The following DLG2 variants were observed in gnomAD, a reference collection of about 807,000 sequenced individuals.
The protein encoded by DLG2 is discs large MAGUK scaffold protein 2.
In DLG2, 45 loss-of-function variants were observed where a neutral mutation model predicts 132.5. The ratio of observed to expected loss-of-function variants is 0.34; its 90% CI spans 0.27 to 0.44. The LOEUF is 0.44. DLG2 is among the 20% of genes least tolerant of loss of function. The pLI, the probability that DLG2 is intolerant of heterozygous loss-of-function variation, is 1.00. For synonymous variants in DLG2, 424 were observed against 419.6 expected, an observed-to-expected ratio of 1.01 and a Z score of -0.13; for missense variants, 1,045 against 1,196.9, an observed-to-expected ratio of 0.87 and a Z score of 1.87.
chr11:85,534,483 C>T (rs1411546852), intron 3 of DLG2, among the ~76,000 whole-genome samples: 1 of 152,082 alleles, frequency 6.6e-6, no homozygotes. Flanking sequence ...TTTTTCAGCC[C>T]TTGCCCCACT....
At chr11:85,001,938 A>C (rs2058250887) in intron 6 of DLG2, among the ~76,000 whole-genome samples, 1 of 152,164 alleles carries the variant, frequency 6.6e-6, no homozygotes, top group African/African-American at 2.4e-5. Flanking sequence ...TATAAACCCA[A>C]ATCTCCTCTA....
intron 6 of DLG2, among the ~76,000 whole-genome samples, chr11:84,592,811 A>C (rs1237827444): frequency 6.6e-6 from 1 of 151,340 alleles, no homozygotes; most frequent in Non-Finnish European, 1.5e-5. Flanking sequence ...AAAAGTCAGG[A>C]AACAGGCCAG....
At chr11:83,563,326 G>T (rs185866279) in intron 19 of DLG2, among the ~76,000 whole-genome samples, 2 of 152,012 alleles carry the variant, frequency 1.3e-5, no homozygotes, top group Non-Finnish European at 2.9e-5. Context: ...TAAATTAAAC[G>T]TTCTTTGATC....
At chr11:85,095,747 T>C (rs2069628224) in intron 6 of DLG2, among the ~76,000 whole-genome samples, 1 of 152,198 alleles carries the variant, frequency 6.6e-6, no homozygotes, top group Admixed American at 6.5e-5. Flanking sequence ...TAAATGACAC[T>C]TCTGCACACA....
rs1268898798 is a variant in DLG2 at position 85,423,792 on chromosome 11, G to T, written c.41-138427C>A. Among the ~76,000 whole-genome samples, 5 of 152,250 alleles carry T rather than the reference G, an allele frequency of 3.3e-5. No homozygotes were observed. The East Asian group carries it at 9.7e-4, about 29-fold the overall frequency. On this transcript the variant is annotated intron_variant, in intron 3 of 27. Transcript: ENST00000376104. Reference sequence around the variant, plus strand: ...CACACCCACCATGCCCCCACCAACAGAACTGAGTCTATTTCCAGGCAGTTG... The same window carrying T: ...CACACCCACCATGCCCCCACCAACATAACTGAGTCTATTTCCAGGCAGTTG...
intron 6 of DLG2, among the ~76,000 whole-genome samples, chr11:84,555,013 G>T (rs2099409233): frequency 6.6e-6 from 1 of 152,060 alleles, no homozygotes; most frequent in African/African-American, 2.4e-5. Context: ...CTGAAGAGGG[G>T]TGAGTGAAGC....
At chr11:84,009,595 C>T (rs2094771206) in intron 11 of DLG2, among the ~76,000 whole-genome samples, 1 of 151,944 alleles carries the variant, frequency 6.6e-6, no homozygotes, top group Admixed American at 6.6e-5. Flanking sequence ...CAGAGAACAG[C>T]TAAAGTGAAG....
chr11:83,714,279 G>A (rs1379183852), intron 18 of DLG2, among the ~76,000 whole-genome samples: 3 of 151,978 alleles, frequency 2.0e-5, no homozygotes, highest in Non-Finnish European at 2.9e-5. Context: ...GTAGGCAAAT[G>A]CAGAGGAAAT....
rs141434161 is a variant in DLG2, at chr11:85,503,924, C to A, written c.40+94733G>T. Among the ~76,000 whole-genome samples, 794 of 151,996 alleles carry A rather than the reference C, an allele frequency of 5.2e-3. 8 individuals carry two copies. Among genetic ancestry groups the A allele is most frequent in the African/African-American group, 0.018 (738 of 41,460 alleles). ...TCCAGCCTGGGCAACACAGTGAGAC[C>A]CTGTCTCAAGAAGGAGGAGGAGGAG... On this transcript the variant is annotated intron_variant, in intron 3 of 27. Transcript: ENST00000376104.
chr11:83,665,597 A>C (rs2075350718), intron 18 of DLG2, among the ~76,000 whole-genome samples: 1 of 152,266 alleles, frequency 6.6e-6, no homozygotes, highest in African/African-American at 2.4e-5. Flanking sequence ...GAGATCGGAG[A>C]GAATTTCAAG....
intron 3 of DLG2, among the ~76,000 whole-genome samples, chr11:85,480,016 G>C (rs1193264588): frequency 6.6e-6 from 1 of 152,130 alleles, no homozygotes; most frequent in Admixed American, 6.5e-5. Flanking sequence ...TGAGGTACTA[G>C]GGGTAGGACT....
At chr11:85,346,098 G>C (rs1039206791) in intron 3 of DLG2, among the ~76,000 whole-genome samples, 15 of 152,034 alleles carry the variant, frequency 9.9e-5, no homozygotes, top group Non-Finnish European at 1.3e-4. Context: ...CTGAAAGTCA[G>C]AGGAGGAACG....
intron 6 of DLG2, among the ~76,000 whole-genome samples, chr11:84,624,857 C>CTTTTTTTTTTGTTTTTTTTTTTTTTTT (rs2099619666): frequency 1.3e-5 from 1 of 76,198 alleles, no homozygotes; most frequent in African/African-American, 1.2e-4. Context: ...GAGAGTCAAC[C>CTTTTTTTTTTGTTTTTTTTTTTTTTTT]TTTTTTTTTT....
intron 3 of DLG2, among the ~76,000 whole-genome samples, chr11:85,454,571 A>G (rs2092357944): frequency 6.6e-6 from 1 of 152,014 alleles, no homozygotes; most frequent in Admixed American, 6.6e-5. Context: ...TTTTGTTGCA[A>G]TTGCTTTTGG....
intron 19 of DLG2, among the ~76,000 whole-genome samples, chr11:83,556,192 G>A (rs918176753): frequency 6.6e-6 from 1 of 152,128 alleles, no homozygotes; most frequent in Non-Finnish European, 1.5e-5. Flanking sequence ...AATCTCGTTC[G>A]AAGTTTGACA....
chr11:84,291,554 C>T (rs1199233048), intron 7 of DLG2, among the ~76,000 whole-genome samples: 1 of 152,070 alleles, frequency 6.6e-6, no homozygotes, highest in African/African-American at 2.4e-5. Flanking sequence ...AAAGCAAAAA[C>T]ACATTAGAGC....
chr11:83,538,412 G>A, intron 20 of DLG2, among the ~76,000 whole-genome samples: 1 of 152,222 alleles, frequency 6.6e-6, no homozygotes, highest in East Asian at 1.9e-4. Flanking sequence ...AAAGGCATGT[G>A]TTTGAATCTA....
intron 3 of DLG2, among the ~76,000 whole-genome samples, chr11:85,563,674 T>A (rs2077377728): frequency 6.8e-6 from 1 of 147,396 alleles, no homozygotes; most frequent in African/African-American, 2.4e-5. Flanking sequence ...TATTGCTGGA[T>A]AATATTCCTT....
intron 8 of DLG2, among the ~76,000 whole-genome samples, chr11:84,237,087 C>A (rs994073487): frequency 6.6e-6 from 1 of 151,962 alleles, no homozygotes; most frequent in African/African-American, 2.4e-5. Context: ...TGCCACCACC[C>A]CCGGCTAATT....
Sources: gnomAD v4.1 joint callset for allele counts (sites outside exome capture counted in the v4.1 genomes callset) on GRCh38, gnomAD v4.1.1 for gene constraint, MANE v1.5 for transcripts, NCBI Gene and HGNC (gene_info 2026-07-23, HGNC 2026-07-21) for gene names.